EMSY: variants seen among roughly 807,000 people sequenced by gnomAD.
The protein encoded by EMSY is BRCA2-interacting transcriptional repressor EMSY.
A neutral mutation model predicts 134.6 loss-of-function variants in EMSY; 26 were observed. That is an observed-to-expected ratio of 0.19 (90% CI 0.14 to 0.27). The LOEUF is 0.27. Among genes scored for constraint, EMSY ranks in the 10% least tolerant of loss-of-function variants. EMSY has a pLI of 1.00. For synonymous variants in EMSY, 579 were observed against 577.8 expected, an observed-to-expected ratio of 1.00 and a Z score of -0.03; for missense variants, 1,305 against 1,611.4, an observed-to-expected ratio of 0.81 and a Z score of 3.26.
At chr11:76,487,153 G>A (rs370264118) in intron 8 of EMSY, among the ~76,000 whole-genome samples, 1 of 152,132 alleles carries the variant, frequency 6.6e-6, no homozygotes, top group Non-Finnish European at 1.5e-5. Flanking sequence ...GGTGGTGGGC[G>A]CCTGTAGTCC....
chr11:76,510,055 T>TA (rs1214704064), intron 9 of EMSY, among the ~76,000 whole-genome samples: 1 of 152,130 alleles, frequency 6.6e-6, no homozygotes, highest in Non-Finnish European at 1.5e-5. Context: ...CTGTCTCTAA[T>TA]AAAAAAATTA....
chr11:76,539,593 T>C lies in EMSY; in HGVS notation c.2516-6T>C. The C allele has an allele frequency of 6.2e-7, 1 of 1,613,746 alleles. No individual in the cohort carries two copies. Among genetic ancestry groups the C allele is most frequent in the Non-Finnish European group, 8.5e-7 (1 of 1,179,686 alleles). On this transcript the variant is annotated splice_region_variant and splice_polypyrimidine_tract_variant and intron_variant, in intron 16 of 20. Coordinates refer to ENST00000334736, the Ensembl canonical transcript of EMSY. ...CTATGATTTCTTCCCTTACTTATCC[T>C]TTCAGAACGCACTGATGAGGGGACA...
At chr11:76,529,390 A>G (rs982412981) in intron 14 of EMSY, among the ~76,000 whole-genome samples, 4 of 152,168 alleles carry the variant, frequency 2.6e-5, no homozygotes, top group Non-Finnish European at 5.9e-5. Context: ...CTAGTATTTT[A>G]ACTCTTTGGT....
chr11:76,493,831 C>T (rs967816196), intron 8 of EMSY, among the ~76,000 whole-genome samples: 2 of 152,198 alleles, frequency 1.3e-5, no homozygotes, highest in South Asian at 2.1e-4. Flanking sequence ...CGCCAAATGC[C>T]GGGACTGAAA....
chr11:76,548,281 A>G (rs1565372200), intron 20 of EMSY, among the ~76,000 whole-genome samples: 2 of 152,334 alleles, frequency 1.3e-5, no homozygotes, highest in Non-Finnish European at 1.5e-5. Context: ...CTTTGATTCT[A>G]GAAGAATGCT....
chr11:76,501,611 C>T (rs903489857), intron 9 of EMSY, among the ~76,000 whole-genome samples: 2 of 151,422 alleles, frequency 1.3e-5, no homozygotes, highest in Non-Finnish European at 2.9e-5. Context: ...ATTTGCAAAT[C>T]TGAAAAACGA....
chr11:76,455,011 A>G (rs1947812849), intron 4 of EMSY, among the ~76,000 whole-genome samples: 1 of 151,976 alleles, frequency 6.6e-6, no homozygotes, highest in South Asian at 2.1e-4. Context: ...GGAGGTGAAA[A>G]TTTTAATTAG....
At chr11:76,455,560 C>G (rs886077978) in intron 4 of EMSY, among the ~76,000 whole-genome samples, 1 of 152,028 alleles carries the variant, frequency 6.6e-6, no homozygotes, top group Non-Finnish European at 1.5e-5. Flanking sequence ...CCCCTCCCCT[C>G]CCCCCACTCA....
At chr11:76,451,230 A>G (rs545707286) in intron 2 of EMSY, among the ~76,000 whole-genome samples, 2 of 152,278 alleles carry the variant, frequency 1.3e-5, no homozygotes, top group East Asian at 3.9e-4. Context: ...AGTCATTTTG[A>G]TGATAGTTTT....
Position 76,487,970 on chromosome 11 carries a change from C to T in EMSY, c.1109-8245C>T, listed in dbSNP as rs149602913. 2.0e-5 allele frequency among the ~76,000 whole-genome samples: 3 copies of T among 152,178 alleles called. No individual in the cohort carries two copies. In the South Asian group the frequency reaches 6.2e-4, roughly 32 times the overall value. ...AATGTTTTTAACATTTATGCATTAT[C>T]TTTCCCCTTCACTTACATGACTTTT... On this transcript the variant is annotated intron_variant, in intron 8 of 20. Coordinates refer to ENST00000334736, the Ensembl canonical transcript of EMSY.
intron 11 of EMSY, among the ~76,000 whole-genome samples, chr11:76,518,703 A>ATATATATATATATATATAT (rs57143914): frequency 7.7e-6 from 1 of 130,204 alleles, no homozygotes; most frequent in Non-Finnish European, 1.6e-5. Context: ...ATATATATAT[A>ATATATATATATATATATAT]TTTTTTTTTT....
At chr11:76,526,850 C>G (rs1027870002) in intron 13 of EMSY, among the ~76,000 whole-genome samples, 11 of 152,120 alleles carry the variant, frequency 7.2e-5, no homozygotes, top group Non-Finnish European at 1.6e-4. Context: ...GTTGTGCTAT[C>G]AGCAAAGATT....
chr11:76,451,578 G>A (rs2134818236), intron 2 of EMSY, among the ~76,000 whole-genome samples: 1 of 152,188 alleles, frequency 6.6e-6, no homozygotes, highest in African/African-American at 2.4e-5. Context: ...TATCATTTGT[G>A]TTATATGTTT....
At chr11:76,497,064 A>C (rs769623654) in intron 9 of EMSY, 1 of 153,186 alleles carries the variant, frequency 6.5e-6, no homozygotes, top group Non-Finnish European at 1.5e-5. Context: ...GACGGAGTGC[A>C]CTTCTGCTAC....
At chr11:76,523,725 T>TTTTTTTTTC (rs1950736969) in intron 12 of EMSY, among the ~76,000 whole-genome samples, 1 of 141,430 alleles carries the variant, frequency 7.1e-6, no homozygotes, top group African/African-American at 2.7e-5. Context: ...TTTTTTTTTT[T>TTTTTTTTTC]CATTTTTACC....
intron 7 of EMSY, among the ~76,000 whole-genome samples, chr11:76,470,558 CT>C (rs1948530703): frequency 6.6e-6 from 1 of 152,106 alleles, no homozygotes; most frequent in East Asian, 1.9e-4. Flanking sequence ...ACTTTGATCA[CT>C]TTTCTTTATT....
intron 8 of EMSY, among the ~76,000 whole-genome samples, chr11:76,478,188 A>G (rs1383076897): frequency 6.6e-6 from 1 of 152,170 alleles, no homozygotes; most frequent in African/African-American, 2.4e-5. Flanking sequence ...TAGTATCTAA[A>G]AGCATTTAAA....
intron 9 of EMSY, among the ~76,000 whole-genome samples, chr11:76,503,647 A>G (rs1286108448): frequency 6.6e-6 from 1 of 152,250 alleles, no homozygotes; most frequent in Non-Finnish European, 1.5e-5. Flanking sequence ...AGGTAAAACT[A>G]TCAAACTCTT....
chr11:76,501,474 A>G (rs1302992454), intron 9 of EMSY, among the ~76,000 whole-genome samples: 2 of 152,248 alleles, frequency 1.3e-5, no homozygotes, highest in Admixed American at 1.3e-4. Flanking sequence ...AATAAAGATC[A>G]ATAAAGAGAT....
Sources: gnomAD v4.1 joint callset for allele counts (sites outside exome capture counted in the v4.1 genomes callset) on GRCh38, gnomAD v4.1.1 for gene constraint, MANE v1.5 for transcripts, NCBI Gene and HGNC (gene_info 2026-07-23, HGNC 2026-07-21) for gene names.